TBXAS1: variants seen among roughly 807,000 people sequenced by gnomAD.
The protein encoded by TBXAS1 is thromboxane-A synthase.
A neutral mutation model predicts 60.7 loss-of-function variants in TBXAS1; 48 were observed. That is an observed-to-expected ratio of 0.79 (90% CI 0.63 to 1.01). The LOEUF (loss-of-function observed/expected upper bound fraction) is 1.01. Among genes scored for constraint, TBXAS1 ranks in the 50% least tolerant of loss-of-function variants. The pLI, the probability that TBXAS1 is intolerant of heterozygous loss-of-function variation, is 0.00. For missense variants in TBXAS1, 685 were observed against 686.3 expected (o/e 1.00, Z 0.02); for synonymous variants, 287 against 269.7 (o/e 1.06, Z -0.63).
chr7:139,889,007 G>T (rs1321667332), intron 3 of TBXAS1, among the ~76,000 whole-genome samples: 1 of 152,044 alleles, frequency 6.6e-6, no homozygotes, highest in Non-Finnish European at 1.5e-5. Context: ...TATCAGAAAT[G>T]GAAGGAAAAG....
intron 4 of TBXAS1, among the ~76,000 whole-genome samples, chr7:139,926,419 T>G (rs1443764645): frequency 6.6e-6 from 1 of 152,208 alleles, no homozygotes; most frequent in Non-Finnish European, 1.5e-5. Flanking sequence ...ATTTTCCAAT[T>G]TATTGGCATA....
rs1322064612 is a variant in TBXAS1, at chr7:140,004,729, C to G, written c.1135-2362C>G. Among the ~76,000 whole-genome samples the G allele has an allele frequency of 6.6e-6, 1 of 152,220 alleles. No individual in the cohort carries two copies. Among genetic ancestry groups the G allele is most frequent in the Non-Finnish European group, 1.5e-5 (1 of 68,040 alleles). ...TCTAGGGAAATTGGTCCAGCTGTCTCCCCTTTCCACAGCCTTCCCCAGCCA... is the reference window on the plus strand; with the variant it reads ...TCTAGGGAAATTGGTCCAGCTGTCTGCCCTTTCCACAGCCTTCCCCAGCCA... On this transcript the variant is annotated intron_variant, in intron 9 of 12. Coordinates refer to ENST00000448866, the MANE Select transcript of TBXAS1 (RefSeq NM_001061.7). The surrounding 1 kb of genome is among the most constrained non-coding windows in gnomAD (Gnocchi z 5.1).
At chr7:140,007,234 C>T in intron 10 of TBXAS1, 52 bp downstream of exon 10, 1 of 1,530,508 alleles carries the variant, frequency 6.5e-7, no homozygotes, top group Non-Finnish European at 9.1e-7. Flanking sequence ...ACCCCTACCC[C>T]CTGCCCCAGC....
chr7:139,926,314 C>G (rs977350538), intron 4 of TBXAS1, among the ~76,000 whole-genome samples: 1 of 152,068 alleles, frequency 6.6e-6, no homozygotes, highest in Non-Finnish European at 1.5e-5. Context: ...TTTATTACGG[C>G]TTTGATTTCA....
intron 1 of TBXAS1, among the ~76,000 whole-genome samples, chr7:139,838,247 C>T (rs1799197304): frequency 6.6e-6 from 1 of 152,228 alleles, no homozygotes; most frequent in Non-Finnish European, 1.5e-5. Flanking sequence ...CTCAGGGGTG[C>T]TTCCTCAGGG....
At chr7:139,872,566 A>G (rs1801902472) in intron 2 of TBXAS1, among the ~76,000 whole-genome samples, 1 of 152,228 alleles carries the variant, frequency 6.6e-6, no homozygotes, top group Non-Finnish European at 1.5e-5. Context: ...AGGCAGGAGA[A>G]TCACTTGAAC....
intron 4 of TBXAS1, among the ~76,000 whole-genome samples, chr7:139,917,204 C>G (rs1376966609): frequency 6.6e-6 from 1 of 152,198 alleles, no homozygotes; most frequent in East Asian, 1.9e-4. Context: ...AAACAGACTA[C>G]AGAGGGCAGT....
intron 3 of TBXAS1, among the ~76,000 whole-genome samples, chr7:139,900,837 C>G: frequency 6.6e-6 from 1 of 152,094 alleles, no homozygotes; most frequent in East Asian, 1.9e-4. Context: ...AGCTTTTCAC[C>G]CCAGCATCCA....
intron 1 of TBXAS1, among the ~76,000 whole-genome samples, chr7:139,843,324 ATTTATTT>A (rs1353873129): frequency 4.9e-5 from 2 of 41,000 alleles, no homozygotes; most frequent in Non-Finnish European, 8.0e-5. Context: ...ACTTTACTTT[ATTTATTT>A]ATTTATTTAT....
intron 1 of TBXAS1, among the ~76,000 whole-genome samples, chr7:139,834,859 T>C (rs937303388): frequency 2.6e-5 from 4 of 151,896 alleles, no homozygotes; most frequent in African/African-American, 9.7e-5. Context: ...TCCAGGACCA[T>C]AAGGATTCAC....
intron 3 of TBXAS1, among the ~76,000 whole-genome samples, chr7:139,891,310 C>T (rs1803592914): frequency 3.3e-5 from 5 of 151,732 alleles, no homozygotes; most frequent in Non-Finnish European, 1.5e-5. Context: ...TGCTAATAAT[C>T]TGAAAGTGTT....
upstream of TBXAS1, among the ~76,000 whole-genome samples, chr7:139,828,244 T>C (rs1382763776): frequency 3.3e-5 from 5 of 152,230 alleles, no homozygotes; most frequent in South Asian, 2.1e-4. Context: ...GAGCTCTGAT[T>C]TTCTTTCTTC....
At chr7:139,932,546 A>C (rs1185951644) in intron 4 of TBXAS1, among the ~76,000 whole-genome samples, 1 of 152,292 alleles carries the variant, frequency 6.6e-6, no homozygotes, top group Middle Eastern at 3.4e-3. Flanking sequence ...CACAAAAAAA[A>C]AAACAAAACC....
At chr7:139,859,610 T>G (rs1357073407) in intron 1 of TBXAS1, among the ~76,000 whole-genome samples, 2 of 152,266 alleles carry the variant, frequency 1.3e-5, no homozygotes, top group Non-Finnish European at 2.9e-5. Flanking sequence ...TAAAAGAAAT[T>G]GGGAAATAAG....
intron 3 of TBXAS1, chr7:139,875,977 T>C: frequency 2.6e-6 from 1 of 383,458 alleles, no homozygotes; most frequent in South Asian, 2.5e-5. Flanking sequence ...GAGCACAAAC[T>C]GTCCAACTTG....
chr7:139,949,396 T>C (rs1809019359), intron 5 of TBXAS1, among the ~76,000 whole-genome samples: 1 of 152,220 alleles, frequency 6.6e-6, no homozygotes, highest in Non-Finnish European at 1.5e-5. Context: ...GGTATTTAGG[T>C]TTATGGGATT....
intron 2 of TBXAS1, among the ~76,000 whole-genome samples, chr7:139,874,071 C>T (rs933379579): frequency 2.6e-5 from 4 of 152,086 alleles, no homozygotes; most frequent in African/African-American, 7.2e-5. Context: ...TCACCTTTTC[C>T]ATGATTTGTC....
intron 4 of TBXAS1, among the ~76,000 whole-genome samples, chr7:139,915,906 T>C (rs1436138163): frequency 1.3e-5 from 2 of 152,204 alleles, no homozygotes; most frequent in Non-Finnish European, 2.9e-5. Flanking sequence ...TGTCTCTGCT[T>C]CATCTTGCTC....
chr7:140,015,827 A>T lies in TBXAS1; in HGVS notation c.1331A>T (p.His444Leu). The change falls in exon 11 of 13, where the codon CAC becomes CTC. Residue 444 changes from histidine to leucine, a missense_variant. Coordinates refer to ENST00000448866, the MANE Select transcript of TBXAS1 (RefSeq NM_001061.7). ...GGTGCCCTGCACCATGACCCTGAGC[A>T]CTGGCCAAGCCCGGAGACCTTCAAC... ...AVGALHHDPEHWPSPETFNPE... is the reference protein window; with the variant it reads ...AVGALHHDPELWPSPETFNPE... 1 of 1,613,882 alleles carries T rather than the reference A, an allele frequency of 6.2e-7. No individual in the cohort carries two copies. The highest frequency in any genetic ancestry group is 2.2e-5 in the East Asian group (1 of 44,884).
Sources: gnomAD v4.1 joint callset for allele counts (sites outside exome capture counted in the v4.1 genomes callset) on GRCh38, gnomAD v4.1.1 for gene constraint, Gnocchi (gnomAD v3.1) non-coding constraint, MANE v1.5 for transcripts, NCBI Gene and HGNC (gene_info 2026-07-23, HGNC 2026-07-21) for gene names.